MTF2: variants seen among roughly 807,000 people sequenced by gnomAD.
The protein encoded by MTF2 is metal response element binding transcription factor 2.
Under a neutral mutation model 79.5 loss-of-function variants are expected in MTF2, and 11 were observed. The observed-to-expected ratio is 0.14, with a 90% CI of 0.09 to 0.23. The LOEUF (loss-of-function observed/expected upper bound fraction) is 0.23. MTF2 is among the 10% of genes least tolerant of loss of function. The probability of loss-of-function intolerance (pLI) is 1.00; values close to 1 mark genes in which losing one functional copy is unlikely to be tolerated. For missense variants in MTF2, 486 were observed against 711.2 expected, an observed-to-expected ratio of 0.68 and a Z score of 3.60; for synonymous variants, 208 against 232.8, an observed-to-expected ratio of 0.89 and a Z score of 0.97.
intron 9 of MTF2, chr1:93,121,421 AAT>A: frequency 1.1e-6 from 1 of 892,276 alleles, no homozygotes; most frequent in Non-Finnish European, 1.3e-6. Flanking sequence ...TTTGTTTTAT[AAT>A]ATGGAATTTG....
At chr1:93,135,607 G>T (rs1647357857) in intron 14 of MTF2, among the ~76,000 whole-genome samples, 1 of 152,180 alleles carries the variant, frequency 6.6e-6, no homozygotes, top group South Asian at 2.1e-4. Flanking sequence ...GCCAAGGTGG[G>T]AAGATTGCTT....
chr1:93,102,624 C>T (rs1655593448), intron 1 of MTF2, among the ~76,000 whole-genome samples: 1 of 151,860 alleles, frequency 6.6e-6, no homozygotes, highest in East Asian at 1.9e-4. Flanking sequence ...CTATGAGAAA[C>T]ATGCTTTTTT....
chr1:93,126,214 G>A (rs1334790846), intron 9 of MTF2, among the ~76,000 whole-genome samples: 1 of 151,800 alleles, frequency 6.6e-6, no homozygotes, highest in Non-Finnish European at 1.5e-5. Context: ...AGTGAGTGTA[G>A]AATGAATGGG....
At position 93,096,808 on chromosome 1, in the gene MTF2, C is replaced by CTT. The variant is rs961849389; in HGVS notation, c.6-13404_6-13403dup. 4.4e-3 allele frequency among the ~76,000 whole-genome samples: 597 copies of CTT among 136,238 alleles called. 4 individuals carry two copies. Among genetic ancestry groups the CTT allele is most frequent in the Non-Finnish European group, 4.9e-3 (317 of 64,312 alleles). 89.4% of individuals were successfully genotyped at this position (136,238 alleles called of 152,430 possible). ...GTGTATATTTTCTTTTTTTCTTTTTCTTTTTTTTTTTTTTTTTTTGGAGAC... is the reference window on the plus strand; with the variant it reads ...GTGTATATTTTCTTTTTTTCTTTTTCTTTTTTTTTTTTTTTTTTTTTGGAGAC... On this transcript the variant is annotated intron_variant, in intron 1 of 14. Transcript: ENST00000370298.
chr1:93,092,904 C>T (rs1035878868), intron 1 of MTF2, among the ~76,000 whole-genome samples: 2 of 151,948 alleles, frequency 1.3e-5, no homozygotes, highest in East Asian at 1.9e-4. Flanking sequence ...ATTTAGAGGC[C>T]GGGTGCGATG....
intron 9 of MTF2, 96 bp from the exon 10 acceptor site, chr1:93,127,136 C>G: frequency 1.2e-6 from 1 of 804,844 alleles, no homozygotes; most frequent in Admixed American, 2.0e-5. Flanking sequence ...CCAATCAGTA[C>G]ACTTTTCCTC....
At chr1:93,088,907 A>AT (rs966280382) in intron 1 of MTF2, among the ~76,000 whole-genome samples, 3 of 152,144 alleles carry the variant, frequency 2.0e-5, no homozygotes, top group African/African-American at 7.2e-5. Context: ...TAAGATCTGT[A>AT]TTTTTTATAG....
Position 93,109,216 on chromosome 1 carries a change from G to A in MTF2, c.6-1014G>A, listed in dbSNP as rs538882935. Among the ~76,000 whole-genome samples the A allele has an allele frequency of 2.6e-5, 4 of 152,276 alleles. No individual in the cohort carries two copies. The South Asian group carries it at 6.2e-4, about 24-fold the overall frequency. The stretch of plus-strand genomic sequence containing the variant: ...CTGCTTTGTTACCTTTAAGAAAGCT[G>A]ATGGTGGTATGCTTTGCTGTTTATG... On this transcript the variant is annotated intron_variant, in intron 1 of 14. Transcript: ENST00000370298.
At chr1:93,133,138 C>T (rs1647213615) in intron 11 of MTF2, among the ~76,000 whole-genome samples, 1 of 151,976 alleles carries the variant, frequency 6.6e-6, no homozygotes, top group Non-Finnish European at 1.5e-5. Flanking sequence ...ATTTCTTACT[C>T]CTTTCTCCTT....
intron 11 of MTF2, among the ~76,000 whole-genome samples, chr1:93,133,122 T>G (rs915859514): frequency 6.6e-6 from 1 of 152,148 alleles, no homozygotes; most frequent in African/African-American, 2.4e-5. Context: ...CCTGAGAATA[T>G]GAAGGATTTC....
chr1:93,121,647 G>A, intron 9 of MTF2: 2 of 967,544 alleles, frequency 2.1e-6, no homozygotes, highest in Non-Finnish European at 2.5e-6. Context: ...GGATATTATT[G>A]AAATTCAATT....
At chr1:93,135,665 T>G (rs1024534155) in intron 14 of MTF2, among the ~76,000 whole-genome samples, 3 of 152,090 alleles carry the variant, frequency 2.0e-5, no homozygotes, top group African/African-American at 7.2e-5. Flanking sequence ...AGAAAAAAAT[T>G]ATCTGGGCGT....
At chr1:93,090,971 C>T (rs1211114768) in intron 1 of MTF2, among the ~76,000 whole-genome samples, 1 of 152,116 alleles carries the variant, frequency 6.6e-6, no homozygotes, top group Non-Finnish European at 1.5e-5. Context: ...CCTATTTTTC[C>T]TAGTTTTAAC....
intron 1 of MTF2, among the ~76,000 whole-genome samples, chr1:93,106,893 A>T (rs191057777): frequency 1.7e-3 from 253 of 152,288 alleles, no homozygotes; most frequent in Admixed American, 3.1e-3. Context: ...ATTGTTTCAA[A>T]ATCTGGAGAA....
chr1:93,097,629 ACT>A (rs1017359296), intron 1 of MTF2, among the ~76,000 whole-genome samples: 4 of 151,710 alleles, frequency 2.6e-5, no homozygotes, highest in African/African-American at 9.7e-5. Flanking sequence ...ATGGAGTCTC[ACT>A]CTGTCGCCCA....
At chr1:93,083,374 C>G (rs1187963277) in intron 1 of MTF2, among the ~76,000 whole-genome samples, 1 of 152,194 alleles carries the variant, frequency 6.6e-6, no homozygotes. Context: ...ATGGAACAGC[C>G]ATGTTGTAGC....
chr1:93,083,765 A>G (rs910999844), intron 1 of MTF2, among the ~76,000 whole-genome samples: 11 of 152,186 alleles, frequency 7.2e-5, no homozygotes, highest in East Asian at 1.9e-4. Flanking sequence ...GATTATAACC[A>G]TCCTAGGGTT....
chr1:93,082,212 G>T (rs1389688892), intron 1 of MTF2, among the ~76,000 whole-genome samples: 1 of 151,158 alleles, frequency 6.6e-6, no homozygotes, highest in East Asian at 1.9e-4. Context: ...AAAACTTAAG[G>T]AATATTTCAA....
intron 1 of MTF2, among the ~76,000 whole-genome samples, chr1:93,081,526 T>G (rs1654607056): frequency 6.6e-6 from 1 of 152,232 alleles, no homozygotes; most frequent in African/African-American, 2.4e-5. Context: ...GACACTTCCA[T>G]GAACGATCTT....
Sources: gnomAD v4.1 joint callset for allele counts (sites outside exome capture counted in the v4.1 genomes callset) on GRCh38, gnomAD v4.1.1 for gene constraint, MANE v1.5 for transcripts, NCBI Gene and HGNC (gene_info 2026-07-23, HGNC 2026-07-21) for gene names.